Variants in FAM227A observed in about 807,000 individuals in gnomAD.
FAM227A encodes family with sequence similarity 227 member A, also known as protein FAM227A.
Under a neutral mutation model 74.7 loss-of-function variants are expected in FAM227A, and 80 were observed. That is an observed-to-expected ratio of 1.07 (90% CI 0.89 to 1.29). FAM227A has a LOEUF of 1.29. Among genes scored for constraint, FAM227A ranks in the 50% most tolerant of loss-of-function variants. The probability of loss-of-function intolerance (pLI) is 0.00; values close to 1 mark genes in which losing one functional copy is unlikely to be tolerated. For synonymous variants in FAM227A, 237 were observed against 241.8 expected (o/e 0.98, Z 0.19); for missense variants, 654 against 683.4 (o/e 0.96, Z 0.48).
At chr22:38,605,369 A>T in intron 12 of FAM227A, 21 bp from the exon 13 acceptor site, 1 of 1,430,876 alleles carries the variant, frequency 7.0e-7, no homozygotes, top group South Asian at 1.2e-5. Context: ...GACATTAGCA[A>T]GAAAATGACC....
At chr22:38,608,494 G>A (rs933317092) in intron 11 of FAM227A, among the ~76,000 whole-genome samples, 10 of 151,814 alleles carry the variant, frequency 6.6e-5, no homozygotes, top group East Asian at 1.9e-4. Context: ...GCAATGGCAC[G>A]ATCTCGGCTC....
At chr22:38,623,031 G>T (rs2145565788) in intron 10 of FAM227A, 141 bp downstream of exon 10, 3 of 627,390 alleles carry the variant, frequency 4.8e-6, no homozygotes, top group South Asian at 3.8e-5. Context: ...CAAGCACGAA[G>T]AATTTTGGTG....
rs1188122966 is a variant in FAM227A at position 38,597,343 on chromosome 22, T to C, written c.1393A>G (p.Thr465Ala). The stretch of plus-strand genomic sequence containing the variant: ...GTCTCGCTGATGACATCAGTATACG[T>C]TGGGGTGCAGTCAGTGGCTTCCGCT... ...KTTSTPDCTP[T>A]YTDVISETLC... The change falls in exon 15 of 17, where the codon ACG becomes GCG. Residue 465 changes from threonine to alanine, a missense_variant. Physicochemically the swap from Thr to Ala is moderately conservative, Grantham distance 58. Coordinates refer to ENST00000535113, the MANE Select transcript of FAM227A (RefSeq NM_001013647.2). 17 of 1,551,668 alleles carry C rather than the reference T, an allele frequency of 1.1e-5. No individual in the cohort carries two copies. The highest frequency in any genetic ancestry group is 4.1e-5 in the African/African-American group (3 of 73,012).
chr22:38,600,983 AAACAG>A (rs1201746828), intron 13 of FAM227A, among the ~76,000 whole-genome samples: 2 of 152,056 alleles, frequency 1.3e-5, no homozygotes, highest in African/African-American at 2.4e-5. Context: ...ATTTAGTAAA[AAACAG>A]ATAGATGAGA....
At position 38,622,116 on chromosome 22, in the gene FAM227A, T is replaced by C. The variant is rs189316158; in HGVS notation, c.958+1056A>G. ...GACCAGACTTGGAATTTACCACCCC[T>C]TTTTCCAGAAATTTCTGAATAATCT... is the stretch of plus-strand genomic sequence containing the variant. On this transcript the variant is annotated intron_variant, in intron 10 of 16. Transcript: ENST00000535113. Among the ~76,000 whole-genome samples the C allele has an allele frequency of 1.6e-3, 239 of 152,310 alleles. 1 individual carries two copies. Among genetic ancestry groups the C allele is most frequent in the African/African-American group, 5.5e-3 (228 of 41,576 alleles).
intron 15 of FAM227A, among the ~76,000 whole-genome samples, chr22:38,594,864 C>T (rs976520003): frequency 6.6e-6 from 1 of 151,782 alleles, no homozygotes; most frequent in Non-Finnish European, 1.5e-5. Flanking sequence ...TTTGGGAGGC[C>T]GAGGGGGGTG....
chr22:38,628,471 G>A (rs2091854091), intron 7 of FAM227A, 129 bp from the exon 8 acceptor site: 5 of 667,580 alleles, frequency 7.5e-6, no homozygotes, highest in South Asian at 5.6e-5. Flanking sequence ...AGCCTCATAT[G>A]CTTTATGAAA....
At chr22:38,611,429 G>C (rs942998664) in intron 11 of FAM227A, among the ~76,000 whole-genome samples, 1 of 152,126 alleles carries the variant, frequency 6.6e-6, no homozygotes, top group African/African-American at 2.4e-5. Flanking sequence ...AGTCCTTATT[G>C]TTAAGGACAC....
chr22:38,651,257 T>A (rs1052643937), intron 1 of FAM227A, among the ~76,000 whole-genome samples: 2 of 152,194 alleles, frequency 1.3e-5, no homozygotes, highest in African/African-American at 4.8e-5. Context: ...AGGTTCTGCA[T>A]TCATCTATCA....
rs1158379057 is a variant in FAM227A, at chr22:38,594,339, C to T, written c.1533-2799G>A. On this transcript the variant is annotated intron_variant, in intron 15 of 16. Transcript: ENST00000535113. ...CCCCTTACAGAATATTCTGTCCTCC[C>T]TGACTTATGTGGTTGCCCTCCAAGA... 2.6e-5 allele frequency among the ~76,000 whole-genome samples: 4 copies of T among 152,168 alleles called. No homozygotes were observed. The East Asian group carries it at 7.7e-4, about 29-fold the overall frequency.
At chr22:38,620,978 A>C (rs1016701463) in intron 10 of FAM227A, among the ~76,000 whole-genome samples, 1 of 152,134 alleles carries the variant, frequency 6.6e-6, no homozygotes, top group Non-Finnish European at 1.5e-5. Context: ...GTTAAATTTA[A>C]TATTCATTAA....
intron 3 of FAM227A, 34 bp downstream of exon 3, chr22:38,645,526 CAGA>C: frequency 6.8e-7 from 1 of 1,469,506 alleles, no homozygotes; most frequent in Non-Finnish European, 9.3e-7. Flanking sequence ...CCTTCCCTGT[CAGA>C]AGCTTTGTCT....
Position 38,589,352 on chromosome 22 carries a change from T to C in FAM227A, c.1638+2083A>G, listed in dbSNP as rs532521945. 2.6e-3 allele frequency among the ~76,000 whole-genome samples: 394 copies of C among 152,152 alleles called. 2 individuals carry two copies. In the Middle Eastern group the frequency reaches 0.031, roughly 12 times the overall value. On this transcript the variant is annotated intron_variant, in intron 16 of 16. Transcript: ENST00000535113. ...ACTGTGAGAAAATACATTTACGTTG[T>C]TTGAAAAAGAAAAGAAATATATATA... is the stretch of plus-strand genomic sequence containing the variant.
At chr22:38,630,725 A>G (rs1489751946) in intron 6 of FAM227A, among the ~76,000 whole-genome samples, 1 of 152,218 alleles carries the variant, frequency 6.6e-6, no homozygotes, top group African/African-American at 2.4e-5. Flanking sequence ...AGATGATGCC[A>G]TAGACTCCCT....
chr22:38,625,364 G>C lies in FAM227A; in HGVS notation c.850+816C>G, dbSNP rs566877537. Among the ~76,000 whole-genome samples the C allele has an allele frequency of 8.7e-4, 131 of 150,968 alleles. 2 individuals carry two copies. Among genetic ancestry groups the C allele is most frequent in the African/African-American group, 3.0e-3 (125 of 40,996 alleles). ...AGATTGTGCCACTGCACTCCAGCCTGGACGACAGAGCGAGATCCGTCTCAA... is the reference window on the plus strand; with the variant it reads ...AGATTGTGCCACTGCACTCCAGCCTCGACGACAGAGCGAGATCCGTCTCAA... On this transcript the variant is annotated intron_variant, in intron 9 of 16. Transcript: ENST00000535113.
At chr22:38,613,881 C>T (rs2091520480) in intron 11 of FAM227A, among the ~76,000 whole-genome samples, 1 of 151,864 alleles carries the variant, frequency 6.6e-6, no homozygotes, top group Admixed American at 6.6e-5. Flanking sequence ...AGCTAGAATT[C>T]TTTTTTTTGA....
At chr22:38,628,963 T>C in intron 6 of FAM227A, 28 bp from the exon 7 acceptor site, 1 of 1,236,348 alleles carries the variant, frequency 8.1e-7, no homozygotes, top group Non-Finnish European at 1.1e-6. Context: ...ACAGTATTAT[T>C]ATTGTTGTTA....
chr22:38,611,097 G>C (rs1326631985), intron 11 of FAM227A, among the ~76,000 whole-genome samples: 2 of 152,118 alleles, frequency 1.3e-5, no homozygotes, highest in South Asian at 4.1e-4. Context: ...TCCATTCCCC[G>C]ATGTTGTGAC....
chr22:38,578,577 T>C lies in FAM227A; in HGVS notation c.*7548A>G, dbSNP rs2090680946. The C allele has an allele frequency of 6.6e-6, 1 of 152,142 alleles. No individual in the cohort carries two copies. Among genetic ancestry groups the C allele is most frequent in the African/African-American group, 2.4e-5 (1 of 41,424 alleles). The allele number at this position is 152,142 out of a possible 1,614,324, so 9.4% of individuals were successfully genotyped here. A position where few individuals can be genotyped will look rare whatever the true frequency, so the allele number is the denominator to read the frequency against. ...TATAAAGACAGGTAGGTACCTGCCC[T>C]CAAGGAGCCATGAGTCTAGTAGAGA... On this transcript the variant is annotated 3_prime_UTR_variant, in exon 17 of 17. Transcript: ENST00000535113.
Sources: allele counts gnomAD v4.1 joint callset (sites outside exome capture counted in the v4.1 genomes callset), GRCh38; gene constraint gnomAD v4.1.1; transcripts MANE v1.5; gene names NCBI Gene and HGNC (gene_info 2026-07-23, HGNC 2026-07-21).